The following SGCD variants were observed in gnomAD, a reference collection of about 807,000 sequenced individuals.
SGCD encodes the protein delta-sarcoglycan.
Under a neutral mutation model 36.6 loss-of-function variants are expected in SGCD, and 18 were observed. That is an observed-to-expected ratio of 0.49 (90% confidence interval 0.34 to 0.73). The LOEUF (loss-of-function observed/expected upper bound fraction) is 0.73, where lower values mean the gene tolerates loss of function less well. SGCD is among the 30% of genes least tolerant of loss of function. The pLI is 0.01. For missense variants in SGCD, 387 were observed against 346.7 expected, an observed-to-expected ratio of 1.12 and a Z score of -0.92; for synonymous variants, 133 against 130.6, an observed-to-expected ratio of 1.02 and a Z score of -0.12.
intron 6 of SGCD, among the ~76,000 whole-genome samples, chr5:156,637,475 A>C (rs1188898306): frequency 6.6e-6 from 1 of 152,172 alleles, no homozygotes; most frequent in Admixed American, 6.5e-5. Context: ...AGCTCCAGAT[A>C]TCATGCTGAT....
intron 1 of SGCD, among the ~76,000 whole-genome samples, chr5:156,069,305 G>T (rs891121773): frequency 5.9e-5 from 9 of 152,074 alleles, no homozygotes; most frequent in South Asian, 2.1e-4. Flanking sequence ...TTTGTATAAG[G>T]TGTAGGGAAG....
chr5:155,980,230 A>G (rs1304469177), intron 1 of SGCD, among the ~76,000 whole-genome samples: 1 of 152,120 alleles, frequency 6.6e-6, no homozygotes, highest in African/African-American at 2.4e-5. Context: ...GGCAGCCCAC[A>G]CTGACTAAGA....
At chr5:156,286,600 C>T (rs1484527073) in intron 3 of SGCD, among the ~76,000 whole-genome samples, 2 of 152,154 alleles carry the variant, frequency 1.3e-5, no homozygotes, top group African/African-American at 2.4e-5. Flanking sequence ...CGCATGTTCT[C>T]ACTCATAGGT....
chr5:155,835,531 A>G, the SGCD span, among the ~76,000 whole-genome samples: 4 of 152,252 alleles, frequency 2.6e-5, no homozygotes, highest in Non-Finnish European at 4.4e-5. Flanking sequence ...TCAGTTTTAA[A>G]AACTGTATAT....
chr5:156,393,899 A>C, intron 3 of SGCD: 3 of 448,198 alleles, frequency 6.7e-6, no homozygotes, highest in Non-Finnish European at 1.4e-5. Flanking sequence ...CCACTTAACA[A>C]ATGTTGGTCG....
At chr5:156,521,876 T>TACCCC (rs1757424857) in intron 4 of SGCD, among the ~76,000 whole-genome samples, 1 of 152,156 alleles carries the variant, frequency 6.6e-6, no homozygotes, top group Non-Finnish European at 1.5e-5. Flanking sequence ...GATCATTCCA[T>TACCCC]TATAAAGATA....
Position 156,714,592 on chromosome 5 carries a change from C to T in SGCD, c.576-42989C>T. ...ACCAGAGGCTCACAGAAACCTAAGC[C>T]TATGTTTCCCCTAGGAGCAGTGGCT... On this transcript the variant is annotated intron_variant, in intron 7 of 8. Transcript: ENST00000337851. Among the ~76,000 whole-genome samples the T allele has an allele frequency of 2.0e-5, 3 of 152,268 alleles. No individual in the cohort carries two copies. The South Asian group carries it at 6.2e-4, about 32-fold the overall frequency.
chr5:156,628,147 A>G (rs1463042410), intron 6 of SGCD, among the ~76,000 whole-genome samples: 1 of 152,106 alleles, frequency 6.6e-6, no homozygotes, highest in East Asian at 1.9e-4. Flanking sequence ...GGTGCCACAC[A>G]CTTTTAAATG....
intron 3 of SGCD, among the ~76,000 whole-genome samples, chr5:156,199,344 T>C (rs1227454103): frequency 6.6e-6 from 1 of 152,132 alleles, no homozygotes; most frequent in Admixed American, 6.6e-5. Flanking sequence ...ATCTGACAAT[T>C]TTCAACTAAA....
chr5:156,253,483 T>C (rs935200583), intron 3 of SGCD, among the ~76,000 whole-genome samples: 1 of 152,200 alleles, frequency 6.6e-6, no homozygotes, highest in African/African-American at 2.4e-5. Flanking sequence ...CTAAGAATTA[T>C]TCACAAAAAA....
At chr5:156,199,530 CAGA>C (rs1764094096) in intron 3 of SGCD, among the ~76,000 whole-genome samples, 1 of 152,062 alleles carries the variant, frequency 6.6e-6, no homozygotes, top group African/African-American at 2.4e-5. Flanking sequence ...AGAAGCAGTA[CAGA>C]AGAAGGAAAA....
At chr5:156,748,583 C>T (rs186250103) in intron 7 of SGCD, among the ~76,000 whole-genome samples, 103 of 152,140 alleles carry the variant, frequency 6.8e-4, no homozygotes, top group African/African-American at 2.4e-3. Flanking sequence ...AGAGGATAAA[C>T]CAATTCCAAG....
chr5:156,690,400 CT>C (rs1391492578), intron 7 of SGCD, among the ~76,000 whole-genome samples: 1 of 152,092 alleles, frequency 6.6e-6, no homozygotes, highest in East Asian at 1.9e-4. Context: ...GGAAGTTTTT[CT>C]GGAAAATTTG....
chr5:155,817,313 A>G, the SGCD span, among the ~76,000 whole-genome samples: 1 of 151,880 alleles, frequency 6.6e-6, no homozygotes, highest in African/African-American at 2.4e-5. Flanking sequence ...TAAGGGTTAG[A>G]ACATTTTTAT....
chr5:155,842,147 A>G, the SGCD span, among the ~76,000 whole-genome samples: 1 of 152,096 alleles, frequency 6.6e-6, no homozygotes, highest in African/African-American at 2.4e-5. Context: ...CCTGAAGGCA[A>G]TATTTGAACC....
chr5:156,619,002 C>A lies in SGCD; in HGVS notation c.502+23951C>A, dbSNP rs181787319. On this transcript the variant is annotated intron_variant, in intron 6 of 8. Transcript: ENST00000337851. ...GAGTTGATGACGTTCACTGTGTGGC[C>A]GCTTTGAAGAGAGCCAATTCCTTTT... is the stretch of plus-strand genomic sequence containing the variant. Among the ~76,000 whole-genome samples, 3 of 150,888 alleles carry A rather than the reference C, an allele frequency of 2.0e-5. No homozygotes were observed. The East Asian group carries it at 5.8e-4, about 29-fold the overall frequency.
the SGCD span, among the ~76,000 whole-genome samples, chr5:155,826,185 T>C: frequency 1.3e-5 from 2 of 152,292 alleles, no homozygotes; most frequent in South Asian, 4.1e-4. Flanking sequence ...CTTTCCAAAC[T>C]CAGGGCTGCT....
At chr5:156,501,637 G>A (rs2127863632) in intron 3 of SGCD, among the ~76,000 whole-genome samples, 2 of 152,292 alleles carry the variant, frequency 1.3e-5, no homozygotes, top group Middle Eastern at 3.4e-3. Flanking sequence ...TGCCTTTTCT[G>A]AAAGTTCTAA....
intron 3 of SGCD, among the ~76,000 whole-genome samples, chr5:156,456,525 G>A (rs905827903): frequency 1.3e-5 from 2 of 152,180 alleles, no homozygotes; most frequent in Non-Finnish European, 2.9e-5. Context: ...CTATGAAGGT[G>A]AAGAGATTTC....
Sources: gnomAD v4.1 joint callset for allele counts (sites outside exome capture counted in the v4.1 genomes callset) on GRCh38, gnomAD v4.1.1 for gene constraint, MANE v1.5 for transcripts, NCBI Gene and HGNC (gene_info 2026-07-23, HGNC 2026-07-21) for gene names.